PKD1L3: variants seen among roughly 807,000 people sequenced by gnomAD.
PKD1L3 encodes polycystin-1-like protein 3.
In PKD1L3, 239 loss-of-function variants were observed where a neutral mutation model predicts 184.1. The observed-to-expected ratio is 1.30, with a 90% CI of 1.17 to 1.45. PKD1L3 has a LOEUF of 1.45. Ranked by LOEUF, PKD1L3 falls within the 40% of genes most tolerant of loss-of-function variation. PKD1L3 has a pLI of 0.00. For synonymous variants in PKD1L3, 996 were observed against 778.8 expected (o/e 1.28, Z -4.64); for missense variants, 2,660 against 2,067.2 (o/e 1.29, Z -5.56).
rs906960106 is a variant in PKD1L3 at position 72,000,250 on chromosome 16, G to C, written c.-272C>G. Among the ~76,000 whole-genome samples, 1 of 152,154 alleles carries C rather than the reference G, an allele frequency of 6.6e-6. No individual in the cohort carries two copies. Among genetic ancestry groups the C allele is most frequent in the South Asian group, 2.1e-4 (1 of 4,830 alleles). ...AATATGCCTTTAGCAAATAGAGATC[G>C]ATTATAAAGCTGAGTCTAAGCTGCA... On this transcript the variant is annotated 5_prime_UTR_variant, in exon 1 of 30. In the 5' UTR this introduces an upstream ATG that the reference lacks. Transcript: ENST00000620267.
Position 71,963,266 on chromosome 16 carries a change from C to T in PKD1L3, c.2551G>A (p.Gly851Arg), listed in dbSNP as rs746151187. Residue 851 changes from glycine (G) to arginine (R), a missense_variant, in exon 16 of 30, where the codon GGA (glycine) becomes AGA (arginine). Transcript: ENST00000620267. ...LCNCWLAVDLGDCELDRVFIP... is the reference protein window; with the variant it reads ...LCNCWLAVDLRDCELDRVFIP... ...AAGACCCGGTCAAGCTCACAGTCTC[C>T]GAGGTCCACAGCCAGCCAGCAATTG... is the stretch of plus-strand genomic sequence containing the variant. 14 of 1,551,312 alleles carry T rather than the reference C, an allele frequency of 9.0e-6. No individual in the cohort carries two copies. The highest frequency in any genetic ancestry group is 4.8e-5 in the South Asian group (4 of 84,012).
chr16:71,952,081 C>G (rs1473494798), intron 18 of PKD1L3, among the ~76,000 whole-genome samples: 1 of 151,802 alleles, frequency 6.6e-6, no homozygotes, highest in African/African-American at 2.4e-5. Flanking sequence ...TGGTTGATCA[C>G]GGCTCAGGGC....
intron 6 of PKD1L3, among the ~76,000 whole-genome samples, chr16:71,983,687 G>GTTTTT (rs1360422609): frequency 1.8e-5 from 2 of 109,350 alleles, no homozygotes; most frequent in Non-Finnish European, 3.5e-5. Context: ...TTTTTTTTTG[G>GTTTTT]AGACACAGTC....
chr16:71,968,992 T>C (rs2143603756), intron 13 of PKD1L3, among the ~76,000 whole-genome samples: 1 of 151,970 alleles, frequency 6.6e-6, no homozygotes, highest in Admixed American at 6.6e-5. Context: ...TGGGGCAATC[T>C]CGATCTCAGC....
intron 16 of PKD1L3, among the ~76,000 whole-genome samples, chr16:71,958,545 C>T (rs1227425903): frequency 1.3e-5 from 2 of 151,610 alleles, no homozygotes; most frequent in South Asian, 2.1e-4. Context: ...TTTGGGAGGC[C>T]GAGGTGAGTG....
At chr16:71,959,766 A>G (rs8051124) in intron 16 of PKD1L3, among the ~76,000 whole-genome samples, 71,197 of 152,038 alleles carry the variant, frequency 0.47, 17,380 homozygotes, top group Middle Eastern at 0.57. Flanking sequence ...AAGTGGAAAA[A>G]CAAGAGGAGA....
chr16:71,973,251 G>A (rs1481641826), intron 12 of PKD1L3, 73 bp downstream of exon 12: 1 of 1,456,028 alleles, frequency 6.9e-7, no homozygotes. Context: ...TGCCCCAAAT[G>A]AGATAACGGA....
chr16:71,978,495 G>GTA (rs4045545), intron 9 of PKD1L3, 112 bp from the exon 10 acceptor site: 126 of 145,774 alleles, frequency 8.6e-4, no homozygotes, highest in Admixed American at 2.6e-3. Context: ...GTGTGTGTGT[G>GTA]TATATATATA....
chr16:72,000,213 G>C lies in PKD1L3; in HGVS notation c.-235C>G, dbSNP rs2040920392. 6.6e-6 allele frequency among the ~76,000 whole-genome samples: 1 copy of C among 152,164 alleles called. No homozygotes were observed. Among genetic ancestry groups the C allele is most frequent in the African/African-American group, 2.4e-5 (1 of 41,428 alleles). Reference sequence around the variant, plus strand: ...TTTTATCTGGGGCCCCACCATCTGTGTCTACCTACCGAATATGCCTTTAGC... The same window carrying C: ...TTTTATCTGGGGCCCCACCATCTGTCTCTACCTACCGAATATGCCTTTAGC... On this transcript the variant is annotated 5_prime_UTR_variant, in exon 1 of 30. Transcript: ENST00000620267.
intron 16 of PKD1L3, among the ~76,000 whole-genome samples, chr16:71,955,337 A>C (rs184146324): frequency 1.8e-4 from 27 of 152,044 alleles, no homozygotes; most frequent in Admixed American, 1.6e-3. Flanking sequence ...AATCCAGCCC[A>C]AAAGAAATTA....
At chr16:71,957,470 C>T (rs903116160) in intron 16 of PKD1L3, among the ~76,000 whole-genome samples, 4 of 151,980 alleles carry the variant, frequency 2.6e-5, no homozygotes, top group African/African-American at 4.8e-5. Context: ...CTACAAGAGA[C>T]ATAATTTAGA....
At chr16:71,959,553 A>T (rs2039190669) in intron 16 of PKD1L3, among the ~76,000 whole-genome samples, 1 of 152,238 alleles carries the variant, frequency 6.6e-6, no homozygotes, top group Non-Finnish European at 1.5e-5. Context: ...CAAAATGGTA[A>T]AACCATAACA....
At chr16:71,945,506 T>A (rs957554198) in intron 22 of PKD1L3, among the ~76,000 whole-genome samples, 5 of 150,488 alleles carry the variant, frequency 3.3e-5, no homozygotes, top group African/African-American at 1.2e-4. Flanking sequence ...TGGGAAAAAC[T>A]TGTCTCTACT....
At chr16:71,984,964 G>A (rs565446543) in intron 5 of PKD1L3, among the ~76,000 whole-genome samples, 10 of 152,162 alleles carry the variant, frequency 6.6e-5, no homozygotes, top group South Asian at 2.1e-4. Flanking sequence ...GCAAATGGCC[G>A]CGGTCCCAAA....
chr16:71,932,908 T>A (rs2038036743), intron 28 of PKD1L3, among the ~76,000 whole-genome samples: 1 of 149,156 alleles, frequency 6.7e-6, no homozygotes, highest in African/African-American at 2.5e-5. Context: ...GCCTCCAGCC[T>A]CCTGAGTGGC....
rs929472147 is a variant in PKD1L3 at position 71,973,435 on chromosome 16, C to G, written c.1842G>C (p.Glu614Asp). The G allele has an allele frequency of 2.6e-6, 4 of 1,551,784 alleles. No homozygotes were observed. Among genetic ancestry groups the G allele is most frequent in the Non-Finnish European group, 8.7e-7 (1 of 1,147,024 alleles). ...GTYYITAVLS[E>D]RQEGAQQTPS... ...GTGTCTGCTGAGCACCCTCCTGCCT[C>G]TCACTCAGCACAGCTGTTATATAGT... The change falls in exon 12 of 30, where the codon GAG becomes GAC. Residue 614 changes from glutamate to aspartate, a missense_variant. Physicochemically the swap from Glu to Asp is conservative, Grantham distance 45. Transcript: ENST00000620267.
intron 24 of PKD1L3, among the ~76,000 whole-genome samples, chr16:71,941,581 C>CTTTT (rs35509080): frequency 9.8e-6 from 1 of 102,218 alleles, no homozygotes; most frequent in Non-Finnish European, 1.9e-5. Flanking sequence ...CTATGACATT[C>CTTTT]TTTTTTTTTT....
At chr16:71,944,215 T>C in intron 22 of PKD1L3, 45 bp from the exon 23 acceptor site, 1 of 1,495,616 alleles carries the variant, frequency 6.7e-7, no homozygotes, top group South Asian at 1.2e-5. Flanking sequence ...TATATTTCAT[T>C]AAGCAGTCAC....
chr16:71,976,674 T>A (rs1254508786), intron 11 of PKD1L3, among the ~76,000 whole-genome samples: 1 of 152,198 alleles, frequency 6.6e-6, no homozygotes, highest in Non-Finnish European at 1.5e-5. Flanking sequence ...ATCCCAGCAC[T>A]TCAGGAGGCT....
Sources: gnomAD v4.1 joint callset for allele counts (sites outside exome capture counted in the v4.1 genomes callset) on GRCh38, gnomAD v4.1.1 for gene constraint, MANE v1.5 for transcripts, NCBI Gene and HGNC (gene_info 2026-07-23, HGNC 2026-07-21) for gene names.